NHLRC2: variants seen among roughly 807,000 people sequenced by gnomAD.
NHLRC2 encodes NHL repeat-containing protein 2.
A neutral mutation model predicts 68.1 loss-of-function variants in NHLRC2; 33 were observed. The observed-to-expected ratio is 0.48, with a 90% CI of 0.37 to 0.65. The LOEUF (loss-of-function observed/expected upper bound fraction) is 0.65. Ranked by LOEUF, NHLRC2 falls within the 30% of genes least tolerant of loss-of-function variation. The pLI is 0.00. For synonymous variants in NHLRC2, 311 were observed against 309.6 expected (o/e 1.00, Z -0.05); for missense variants, 761 against 853.8 (o/e 0.89, Z 1.35).
At chr10:113,881,108 TTTATCA>T (rs1242754105) in intron 4 of NHLRC2, among the ~76,000 whole-genome samples, 1 of 151,900 alleles carries the variant, frequency 6.6e-6, no homozygotes, top group Non-Finnish European at 1.5e-5. Context: ...TTAATATTTC[TTTATCA>T]TTATCTTTTT....
chr10:113,877,877 G>T (rs1287547006), intron 3 of NHLRC2, among the ~76,000 whole-genome samples: 1 of 152,092 alleles, frequency 6.6e-6, no homozygotes, highest in East Asian at 1.9e-4. Context: ...TGGCTACTTG[G>T]TATTTTGATT....
chr10:113,889,895 T>A (rs1395098990), intron 5 of NHLRC2, among the ~76,000 whole-genome samples: 1 of 152,222 alleles, frequency 6.6e-6, no homozygotes, highest in Non-Finnish European at 1.5e-5. Flanking sequence ...GAGTAGTAGT[T>A]CGTTGTATGG....
chr10:113,899,786 C>T (rs1053776809), intron 6 of NHLRC2, among the ~76,000 whole-genome samples: 9 of 151,986 alleles, frequency 5.9e-5, no homozygotes, highest in African/African-American at 9.7e-5. Flanking sequence ...GGCGTGGTGG[C>T]GCTTGCCTGT....
At chr10:113,881,277 G>A (rs1846034163) in intron 4 of NHLRC2, among the ~76,000 whole-genome samples, 1 of 151,470 alleles carries the variant, frequency 6.6e-6, no homozygotes, top group African/African-American at 2.4e-5. Context: ...ATGGGTTTTC[G>A]AGTATTGACC....
In NHLRC2 at chr10:113,912,358, C is replaced by G. The variant is rs1442822784; in HGVS notation, c.*3822C>G. On this transcript the variant is annotated 3_prime_UTR_variant, in exon 11 of 11. Coordinates refer to ENST00000369301, the MANE Select transcript of NHLRC2 (RefSeq NM_198514.4). ...TTTGTGAAGGAAAATCTCCCACTAA[C>G]TATTGGTTATGTTAATATTCTTCAT... is the stretch of plus-strand genomic sequence containing the variant. 6.6e-6 allele frequency: 1 copy of G among 152,156 alleles called. No individual in the cohort carries two copies. Among genetic ancestry groups the G allele is most frequent in the Non-Finnish European group, 1.5e-5 (1 of 68,024 alleles). The allele number at this position is 152,156 out of a possible 1,614,324, so 9.4% of individuals were successfully genotyped here.
At chr10:113,888,825 C>CTTTTTT (rs553815478) in intron 5 of NHLRC2, among the ~76,000 whole-genome samples, 2 of 132,962 alleles carry the variant, frequency 1.5e-5, no homozygotes, top group Non-Finnish European at 3.3e-5. Context: ...CTATCAGTAT[C>CTTTTTT]TTTTTTTTTT....
At position 113,889,751 on chromosome 10, in the gene NHLRC2, T is replaced by A. The variant is rs542246833; in HGVS notation, c.1039+5371T>A. 1.2e-4 allele frequency among the ~76,000 whole-genome samples: 18 copies of A among 152,300 alleles called. No homozygotes were observed. The South Asian group carries it at 3.7e-3, about 32-fold the overall frequency. On this transcript the variant is annotated intron_variant, in intron 5 of 10. Transcript: ENST00000369301. ...CTCCCCCCGCCATCACCACACTCAC[T>A]GCAGCAACTGGCAGCAGTGATCTCT... is the stretch of plus-strand genomic sequence containing the variant.
At position 113,876,885 on chromosome 10, in the gene NHLRC2, C is replaced by T. The variant is rs1257380199; in HGVS notation, c.696C>T (p.Asp232=). 3.1e-6 allele frequency: 5 copies of T among 1,612,498 alleles called. No homozygotes were observed. The African/African-American group carries it at 4.0e-5, about 13-fold the overall frequency. ...TATTTCCTGGCAAAGTAACAGTAGA[C>T]CAAGTTACTGATAGATTGGTAATAG... ...PLLFPGKVTV[D]QVTDRLVIAD... Residue 232 remains aspartate, a synonymous_variant, in exon 3 of 11, where the codon GAC becomes GAT. Transcript: ENST00000369301.
At chr10:113,901,980 T>A in intron 7 of NHLRC2, 83 bp downstream of exon 7, 1 of 971,242 alleles carries the variant, frequency 1.0e-6, no homozygotes, top group Non-Finnish European at 1.6e-6. Flanking sequence ...TAATAAGATT[T>A]AAGAGAGACC....
intron 1 of NHLRC2, among the ~76,000 whole-genome samples, 162 bp from the exon 2 acceptor site, chr10:113,858,366 A>G (rs2134684780): frequency 6.6e-6 from 1 of 152,232 alleles, no homozygotes; most frequent in African/African-American, 2.4e-5. Context: ...CATAGTAAAC[A>G]ACTATAAATA....
chr10:113,855,120 C>T, intron 1 of NHLRC2, 70 bp downstream of exon 1: 4 of 1,369,296 alleles, frequency 2.9e-6, no homozygotes, highest in South Asian at 1.3e-5. Context: ...CGCCCTCCCG[C>T]GAAGCGGTGG....
At chr10:113,880,068 C>A (rs1846022956) in intron 4 of NHLRC2, among the ~76,000 whole-genome samples, 1 of 151,982 alleles carries the variant, frequency 6.6e-6, no homozygotes, top group Admixed American at 6.6e-5. Flanking sequence ...TTCTATTCAA[C>A]TTTTATGCTT....
rs530008422 is a variant in NHLRC2, at chr10:113,898,070, C to T, written c.1040-40C>T. 3.3e-6 allele frequency: 4 copies of T among 1,199,032 alleles called. No homozygotes were observed. In the Admixed American group the frequency reaches 7.5e-5, roughly 23 times the overall value. The allele number at this position is 1,199,032 out of a possible 1,614,324, so 74.3% of individuals were successfully genotyped here. A position where few individuals can be genotyped will look rare whatever the true frequency, so the allele number is the denominator to read the frequency against. On this transcript the variant is annotated intron_variant, in intron 5 of 10. Transcript: ENST00000369301. ...AAAACCATTGGAGTGTTTGTATTAA[C>T]CAGATATGTATATAATAATAATGAT...
rs1206782395 is a variant in NHLRC2, at chr10:113,856,023, TGTGCTTCTCC to T, written c.178+976_178+985del. On this transcript the variant is annotated intron_variant, in intron 1 of 10. Coordinates refer to ENST00000369301, the MANE Select transcript of NHLRC2 (RefSeq NM_198514.4). The stretch of plus-strand genomic sequence containing the variant: ...GGATTTGCTGGTTTCTTAGCTGTAC[TGTGCTTCTCC>T]GTTCAAAGTCGTGAAACTAATACTT... 3.3e-5 allele frequency among the ~76,000 whole-genome samples: 5 copies of T among 152,330 alleles called. No individual in the cohort carries two copies. The South Asian group carries it at 1.0e-3, about 32-fold the overall frequency.
intron 5 of NHLRC2, among the ~76,000 whole-genome samples, 175 bp from the exon 6 acceptor site, chr10:113,897,935 A>G (rs1234621287): frequency 6.6e-6 from 1 of 152,256 alleles, no homozygotes; most frequent in Admixed American, 6.5e-5. Context: ...AACAAAGTAA[A>G]CCTTTCACAA....
rs527890870 is a variant in NHLRC2 at position 113,876,578 on chromosome 10, A to G, written c.389A>G (p.Asp130Gly). 15 of 1,612,792 alleles carry G rather than the reference A, an allele frequency of 9.3e-6. No individual in the cohort carries two copies. The highest frequency in any genetic ancestry group is 1.3e-5 in the Non-Finnish European group (15 of 1,179,332). ...AAGTTTCCAAATGAAAAAGTCCTGG[A>G]TAACATTAAGAGTGCTGTTCTTCGA... Reference protein sequence around the residue: ...SAKFPNEKVLDNIKSAVLRYN... With the variant: ...SAKFPNEKVLGNIKSAVLRYN... Residue 130 changes from aspartate to glycine, a missense_variant, in exon 3 of 11, where the codon GAT becomes GGT. Asp to Gly is a moderately conservative substitution (Grantham distance 94, BLOSUM62 -1). Coordinates refer to ENST00000369301, the MANE Select transcript of NHLRC2 (RefSeq NM_198514.4).
At chr10:113,877,004 T>TA (rs781477608) in intron 3 of NHLRC2, 28 bp downstream of exon 3, 1 of 1,320,894 alleles carries the variant, frequency 7.6e-7, no homozygotes, top group Non-Finnish European at 1.0e-6. Context: ...TTACGATAGA[T>TA]AACGTGTTTT....
At chr10:113,889,244 C>A (rs1269855768) in intron 5 of NHLRC2, among the ~76,000 whole-genome samples, 1 of 152,062 alleles carries the variant, frequency 6.6e-6, no homozygotes, top group Non-Finnish European at 1.5e-5. Flanking sequence ...AACATTTTCC[C>A]TAGATAGAAG....
chr10:113,863,447 T>A (rs971951315), intron 2 of NHLRC2, among the ~76,000 whole-genome samples: 1 of 152,114 alleles, frequency 6.6e-6, no homozygotes, highest in East Asian at 1.9e-4. Context: ...ACAAAACTTA[T>A]GGCACATGGT....
Sources: allele counts gnomAD v4.1 joint callset (sites outside exome capture counted in the v4.1 genomes callset), GRCh38; gene constraint gnomAD v4.1.1; transcripts MANE v1.5; gene names NCBI Gene and HGNC (gene_info 2026-07-23, HGNC 2026-07-21).